The following NFXL1 variants were observed in gnomAD, a reference collection of about 807,000 sequenced individuals.
NFXL1 encodes NF-X1-type zinc finger protein NFXL1.
In NFXL1, 66 loss-of-function variants were observed where a neutral mutation model predicts 123.3. The ratio of observed to expected loss-of-function variants is 0.54; its 90% CI spans 0.44 to 0.66. NFXL1 has a LOEUF of 0.66. Among genes scored for constraint, NFXL1 ranks in the 30% least tolerant of loss-of-function variants. The pLI is 0.00. For missense variants in NFXL1, 944 were observed against 1,125.6 expected, an observed-to-expected ratio of 0.84 and a Z score of 2.31; for synonymous variants, 346 against 360.8, an observed-to-expected ratio of 0.96 and a Z score of 0.46.
At position 47,898,092 on chromosome 4, in the gene NFXL1, A is replaced by G; in HGVS notation, c.1090-11T>C. 6.5e-7 allele frequency: 1 copy of G among 1,530,254 alleles called. No homozygotes were observed. The highest frequency in any genetic ancestry group is 9.0e-7 in the Non-Finnish European group (1 of 1,116,290). The allele number at this position is 1,530,254 out of a possible 1,614,324, so 94.8% of individuals were successfully genotyped here. On this transcript the variant is annotated splice_polypyrimidine_tract_variant and intron_variant, in intron 8 of 22. Coordinates refer to ENST00000507489, the MANE Select transcript of NFXL1 (RefSeq NM_001278624.2). ...TGTTTTTCCACATACCTAAAATAAA[A>G]TGCAATAAACACTAATGAAGGATTT... is the stretch of plus-strand genomic sequence containing the variant.
At chr4:47,879,596 A>G (rs1485033765) in intron 15 of NFXL1, among the ~76,000 whole-genome samples, 1 of 152,218 alleles carries the variant, frequency 6.6e-6, no homozygotes, top group African/African-American at 2.4e-5. Flanking sequence ...ATATAGAAAG[A>G]TAACAGACCC....
chr4:47,890,065 T>C (rs1736677644), intron 12 of NFXL1, among the ~76,000 whole-genome samples: 1 of 151,942 alleles, frequency 6.6e-6, no homozygotes, highest in South Asian at 2.1e-4. Flanking sequence ...ATAAATATTA[T>C]TACATTTTAT....
At chr4:47,854,562 T>C (rs1031076359) in intron 20 of NFXL1, among the ~76,000 whole-genome samples, 1 of 152,112 alleles carries the variant, frequency 6.6e-6, no homozygotes, top group African/African-American at 2.4e-5. Flanking sequence ...ATTAGTTCTT[T>C]CCAAGTTTAC....
intron 18 of NFXL1, among the ~76,000 whole-genome samples, chr4:47,871,213 C>T (rs752633455): frequency 1.6e-4 from 25 of 151,966 alleles, no homozygotes; most frequent in Non-Finnish European, 3.5e-4. Flanking sequence ...ATTAGCTGGG[C>T]GTGGTGGCAG....
At chr4:47,886,694 G>A (rs921063897) in intron 12 of NFXL1, among the ~76,000 whole-genome samples, 2 of 152,010 alleles carry the variant, frequency 1.3e-5, no homozygotes, top group African/African-American at 4.8e-5. Context: ...TTTTTTCTCT[G>A]TACACTGGTA....
At chr4:47,880,728 C>T (rs920476661) in intron 15 of NFXL1, among the ~76,000 whole-genome samples, 6 of 144,916 alleles carry the variant, frequency 4.1e-5, no homozygotes, top group East Asian at 2.0e-4. Flanking sequence ...CCGTAATCAG[C>T]GATCTTTGAT....
At chr4:47,858,449 G>C (rs543997735) in intron 19 of NFXL1, among the ~76,000 whole-genome samples, 1 of 152,170 alleles carries the variant, frequency 6.6e-6, no homozygotes, top group Non-Finnish European at 1.5e-5. Context: ...GCAAAAGCAA[G>C]AATGTTCACA....
At chr4:47,913,413 G>A (rs527652219) in intron 2 of NFXL1, among the ~76,000 whole-genome samples, 28 of 152,248 alleles carry the variant, frequency 1.8e-4, no homozygotes, top group African/African-American at 5.8e-4. Context: ...GTGCTTACAA[G>A]GAATAAGACA....
chr4:47,863,458 G>A (rs771135848), intron 18 of NFXL1, among the ~76,000 whole-genome samples: 1 of 152,132 alleles, frequency 6.6e-6, no homozygotes, highest in Admixed American at 6.5e-5. Context: ...AAGGCAGGTG[G>A]ATCACTTGAG....
At chr4:47,902,652 G>A (rs899786974) in intron 5 of NFXL1, among the ~76,000 whole-genome samples, 3 of 151,968 alleles carry the variant, frequency 2.0e-5, no homozygotes, top group African/African-American at 7.3e-5. Context: ...GGATAATTAA[G>A]GAATTGTTTT....
intron 19 of NFXL1, among the ~76,000 whole-genome samples, chr4:47,860,568 T>C (rs1314216366): frequency 1.3e-5 from 2 of 152,198 alleles, no homozygotes; most frequent in Non-Finnish European, 2.9e-5. Flanking sequence ...AGGCACTGGA[T>C]ACAAAGACAA....
chr4:47,884,297 T>C lies in NFXL1; in HGVS notation c.1916+49A>G, dbSNP rs1401410254. 4 of 1,070,758 alleles carry C rather than the reference T, an allele frequency of 3.7e-6. No individual in the cohort carries two copies. The African/African-American group carries it at 4.8e-5, about 13-fold the overall frequency. The allele number at this position is 1,070,758 out of a possible 1,614,324, so 66.3% of individuals were successfully genotyped here. ...TTGACTTCAGATACCCTTTAAGCTA[T>C]GTCAAAAGTTTTTTGTTTTTTTTTT... On this transcript the variant is annotated intron_variant, in intron 15 of 22. Coordinates refer to ENST00000507489, the MANE Select transcript of NFXL1 (RefSeq NM_001278624.2).
rs571754164 is a variant in NFXL1, at chr4:47,886,176, T to C, written c.1544-177A>G. ...CATTGAGCCAGACACAAGGAGTACATAGTGCATGATTCCATTTATATAAAG... is the reference window on the plus strand; with the variant it reads ...CATTGAGCCAGACACAAGGAGTACACAGTGCATGATTCCATTTATATAAAG... On this transcript the variant is annotated intron_variant, in intron 12 of 22. Coordinates refer to ENST00000507489, the MANE Select transcript of NFXL1 (RefSeq NM_001278624.2). Among the ~76,000 whole-genome samples, 12 of 152,274 alleles carry C rather than the reference T, an allele frequency of 7.9e-5. No homozygotes were observed. The South Asian group carries it at 2.5e-3, about 32-fold the overall frequency.
rs752689704 is a variant in NFXL1, at chr4:47,885,549, G to A, written c.1773C>T (p.His591=). Residue 591 remains histidine (H), a synonymous_variant, in exon 14 of 23, where the codon CAC becomes CAT. Transcript: ENST00000507489. ...PCQKVLEKCG[H]LCPAPCHDQA... ...GATCATGACACGGAGCAGGACACAA[G>A]TGACCACATTTCTCCAAAACTTTTT... 1 of 1,613,840 alleles carries A rather than the reference G, an allele frequency of 6.2e-7. No individual in the cohort carries two copies. Among genetic ancestry groups the A allele is most frequent in the Non-Finnish European group, 8.5e-7 (1 of 1,179,730 alleles).
rs752216669 is a variant in NFXL1 at position 47,879,115 on chromosome 4, T to G, written c.1919A>C (p.Glu640Ala). ...ACTTACCTCATGTTTCCCAAGACATTCCCTACAAGGAAAAAATAAAATAAA... is the reference window on the plus strand; with the variant it reads ...ACTTACCTCATGTTTCCCAAGACATGCCCTACAAGGAAAAAATAAAATAAA... ...CPPCQVPIPM[E>A]CLGKHEVSPL... The change falls in exon 16 of 23, where the codon GAA (glutamate) becomes GCA (alanine). Residue 640 changes from glutamate (E) to alanine (A), a missense_variant and splice_region_variant. Glu to Ala is a moderately radical substitution (Grantham distance 107). This residue lies in a region of NFXL1 where 301 missense variants were observed against 348.0 expected (regional missense o/e 0.86). Transcript: ENST00000507489. 14 of 1,354,844 alleles carry G rather than the reference T, an allele frequency of 1.0e-5. No individual in the cohort carries two copies. The South Asian group carries it at 2.0e-4, about 19-fold the overall frequency. The allele number at this position is 1,354,844 out of a possible 1,614,324, so 83.9% of individuals were successfully genotyped here.
At chr4:47,867,398 T>C (rs1008239848) in intron 18 of NFXL1, among the ~76,000 whole-genome samples, 1 of 151,206 alleles carries the variant, frequency 6.6e-6, no homozygotes, top group African/African-American at 2.4e-5. Flanking sequence ...AAATGAGATA[T>C]AGAAAAAAGT....
At chr4:47,889,389 G>A (rs1004839728) in intron 12 of NFXL1, among the ~76,000 whole-genome samples, 2 of 152,166 alleles carry the variant, frequency 1.3e-5, no homozygotes, top group Non-Finnish European at 2.9e-5. Flanking sequence ...TGTCTACAGG[G>A]TAAATAGAAT....
At chr4:47,882,616 G>C (rs978211957) in intron 15 of NFXL1, among the ~76,000 whole-genome samples, 2 of 152,136 alleles carry the variant, frequency 1.3e-5, no homozygotes, top group Non-Finnish European at 2.9e-5. Flanking sequence ...TTTAGATTTT[G>C]TAGTTTCTAC....
intron 9 of NFXL1, among the ~76,000 whole-genome samples, chr4:47,897,018 G>A (rs1737123472): frequency 6.6e-6 from 1 of 152,078 alleles, no homozygotes; most frequent in Admixed American, 6.6e-5. Context: ...AAAAAGAAAG[G>A]TTTAGTCTTT....
Sources: allele counts gnomAD v4.1 joint callset (sites outside exome capture counted in the v4.1 genomes callset), GRCh38; gene constraint gnomAD v4.1.1; regional missense constraint gnomAD v4.1.1; transcripts MANE v1.5; gene names NCBI Gene and HGNC (gene_info 2026-07-23, HGNC 2026-07-21).